USP26: variants seen among roughly 807,000 people sequenced by gnomAD.
USP26 encodes ubiquitin carboxyl-terminal hydrolase 26.
For synonymous variants in USP26, 236 were observed against 240.6 expected (o/e 0.98, Z 0.18); for missense variants, 649 against 642.3 (o/e 1.01, Z -0.11).
At chrX:133,081,600 C>T (rs2067570546) in intron 5 of USP26, among the ~76,000 whole-genome samples, 1 of 111,883 alleles carries the variant, frequency 8.9e-6, no homozygotes, top group Non-Finnish European at 1.9e-5. Context: ...CCGGCTATGT[C>T]ACTTTAATAA....
At chrX:133,082,983 G>A (rs2067575200) in intron 5 of USP26, among the ~76,000 whole-genome samples, 1 of 111,206 alleles carries the variant, frequency 9.0e-6, no homozygotes, top group Non-Finnish European at 1.9e-5. Context: ...CAAGGTAAGG[G>A]CAATATTTAT....
chrX:133,032,202 A>AAC (rs2067379857), intron 5 of USP26, among the ~76,000 whole-genome samples: 3 of 109,618 alleles, frequency 2.7e-5, no homozygotes, highest in African/African-American at 1.0e-4. Flanking sequence ...AACCAACCAA[A>AAC]CAAACAAACA....
chrX:133,030,570 T>C (rs888531508), intron 5 of USP26, among the ~76,000 whole-genome samples: 2 of 111,892 alleles, frequency 1.8e-5, no homozygotes, highest in African/African-American at 3.2e-5. Context: ...CATCACTGTG[T>C]AATCGTCACA....
At chrX:133,060,985 T>C (rs1021588901) in intron 5 of USP26, among the ~76,000 whole-genome samples, 1 of 111,903 alleles carries the variant, frequency 8.9e-6, no homozygotes, top group African/African-American at 3.2e-5. Flanking sequence ...CAGGAGGACA[T>C]AGGTAGATTA....
intron 1 of USP26, among the ~76,000 whole-genome samples, chrX:133,095,208 A>G (rs752959789): frequency 1.8e-3 from 206 of 111,833 alleles, no homozygotes; most frequent in African/African-American, 5.8e-3. Context: ...TGAAGATAAT[A>G]CAAAACTTTC....
chrX:133,094,230 G>A (rs180671193), intron 1 of USP26, among the ~76,000 whole-genome samples: 11 of 110,205 alleles, frequency 1.0e-4, no homozygotes, highest in South Asian at 3.9e-4. Context: ...AATTTAAAAC[G>A]GCTACCTTTT....
chrX:133,092,638 T>G (rs1602993566), intron 1 of USP26, among the ~76,000 whole-genome samples: 1 of 111,925 alleles, frequency 8.9e-6, no homozygotes, highest in East Asian at 2.8e-4. Context: ...TAGGATTCTA[T>G]GGGCGAAGTG....
chrX:133,054,621 C>CT (rs1420072756), intron 5 of USP26, among the ~76,000 whole-genome samples: 1 of 111,507 alleles, frequency 9.0e-6, no homozygotes, highest in Non-Finnish European at 1.9e-5. Context: ...TTCTGATGTA[C>CT]TTTTTTTCTT....
chrX:133,072,326 C>T (rs1028953714), intron 5 of USP26, among the ~76,000 whole-genome samples: 25 of 112,046 alleles, frequency 2.2e-4, no homozygotes, highest in Admixed American at 6.6e-4. Flanking sequence ...TGCGCATGCA[C>T]GGCACACGAA....
At chrX:133,082,576 T>A in intron 5 of USP26, among the ~76,000 whole-genome samples, 2 of 112,249 alleles carry the variant, frequency 1.8e-5, no homozygotes, top group Middle Eastern at 9.1e-3. Flanking sequence ...CTGGAGATAT[T>A]TGAGTCTCTA....
intron 5 of USP26, among the ~76,000 whole-genome samples, chrX:133,043,174 T>C (rs1486521322): frequency 8.9e-6 from 1 of 111,826 alleles, no homozygotes; most frequent in Non-Finnish European, 1.9e-5. Context: ...AGGTACTGGA[T>C]TGGGAACACC....
intron 5 of USP26, among the ~76,000 whole-genome samples, chrX:133,078,621 T>C (rs1372205711): frequency 8.9e-6 from 1 of 112,109 alleles, no homozygotes; most frequent in East Asian, 2.8e-4. Flanking sequence ...TAGAAAGGCA[T>C]AAAAATCGAC....
intron 5 of USP26, among the ~76,000 whole-genome samples, chrX:133,037,009 A>G (rs1213938368): frequency 8.9e-6 from 1 of 111,897 alleles, no homozygotes; most frequent in Non-Finnish European, 1.9e-5. Context: ...TCCTTCACGC[A>G]CTTTTTGATG....
chrX:133,091,875 C>A (rs905188436), intron 1 of USP26, among the ~76,000 whole-genome samples: 11 of 111,684 alleles, frequency 9.8e-5, no homozygotes, highest in Non-Finnish European at 1.9e-4. Flanking sequence ...ATTACAGAAC[C>A]ATAGGCTCAC....
intron 4 of USP26, among the ~76,000 whole-genome samples, chrX:133,088,972 G>T (rs1355653638): frequency 9.2e-6 from 1 of 108,445 alleles, no homozygotes; most frequent in Non-Finnish European, 1.9e-5. Flanking sequence ...AATAACTCTG[G>T]CCCCAGTTTT....
chrX:133,084,233 C>G (rs760796210), intron 4 of USP26, among the ~76,000 whole-genome samples: 1 of 112,021 alleles, frequency 8.9e-6, no homozygotes, highest in African/African-American at 3.2e-5. Context: ...TAGTGTCACT[C>G]TGTCACCCAG....
intron 1 of USP26, among the ~76,000 whole-genome samples, chrX:133,096,611 G>A (rs2067631567): frequency 8.9e-6 from 1 of 112,227 alleles, no homozygotes; most frequent in African/African-American, 3.2e-5. Context: ...AACAGAAAGA[G>A]AGGCCAGGCG....
intron 4 of USP26, among the ~76,000 whole-genome samples, chrX:133,086,434 C>A (rs1028509453): frequency 6.3e-5 from 7 of 110,362 alleles, no homozygotes; most frequent in African/African-American, 2.3e-4. Flanking sequence ...GTGGTGAGAC[C>A]TTGTCTCCAC....
intron 5 of USP26, among the ~76,000 whole-genome samples, chrX:133,082,984 C>A (rs1006770765): frequency 1.8e-5 from 2 of 111,077 alleles, no homozygotes; most frequent in Non-Finnish European, 3.8e-5. Flanking sequence ...AAGGTAAGGG[C>A]AATATTTATG....
Sources: allele counts gnomAD v4.1 joint callset (sites outside exome capture counted in the v4.1 genomes callset), GRCh38; gene constraint gnomAD v4.1.1; transcripts MANE v1.5; gene names NCBI Gene and HGNC (gene_info 2026-07-23, HGNC 2026-07-21).